Variants in TAOK3 observed in about 807,000 individuals in gnomAD.
TAOK3 encodes TAO kinase 3.
Under a neutral mutation model 120.4 loss-of-function variants are expected in TAOK3, and 40 were observed. That is an observed-to-expected ratio of 0.33 (90% CI 0.26 to 0.43). The LOEUF is 0.43. Among genes scored for constraint, TAOK3 ranks in the 20% least tolerant of loss-of-function variants. The pLI is 1.00. For synonymous variants in TAOK3, 355 were observed against 387.5 expected (o/e 0.92, Z 0.99); for missense variants, 821 against 1,112.1 (o/e 0.74, Z 3.72).
chr12:118,207,723 C>T (rs543486830), intron 11 of TAOK3, among the ~76,000 whole-genome samples: 9 of 152,168 alleles, frequency 5.9e-5, no homozygotes, highest in South Asian at 2.1e-4. Flanking sequence ...GACATGGTGG[C>T]GTGTGCCTGT....
intron 4 of TAOK3, among the ~76,000 whole-genome samples, chr12:118,244,048 C>T (rs1406582983): frequency 1.3e-5 from 2 of 152,154 alleles, no homozygotes; most frequent in African/African-American, 4.8e-5. Flanking sequence ...TACAAAAAAG[C>T]CATTACACAT....
intron 1 of TAOK3, among the ~76,000 whole-genome samples, chr12:118,344,649 GA>G (rs2044775677): frequency 1.3e-5 from 2 of 151,876 alleles, no homozygotes; most frequent in African/African-American, 2.4e-5. Context: ...TATTTGAAAC[GA>G]ATGGGAAAAA....
chr12:118,216,097 T>C (rs1247170299), intron 9 of TAOK3, among the ~76,000 whole-genome samples: 2 of 151,950 alleles, frequency 1.3e-5, no homozygotes, highest in African/African-American at 4.8e-5. Context: ...ACTTGGGAGG[T>C]TGAGGCAGAA....
At position 118,152,162 on chromosome 12, in the gene TAOK3, G is replaced by T. The variant is rs2034493695; in HGVS notation, c.2535+65C>A. On this transcript the variant is annotated intron_variant, in intron 20 of 20. Coordinates refer to ENST00000392533, the MANE Select transcript of TAOK3 (RefSeq NM_016281.4). ...TCTAACTAAGGAAGGCTGCATATAT[G>T]GCAGTTCCCTCAGCCACGCCCCCTT... The T allele has an allele frequency of 4.7e-6, 7 of 1,474,258 alleles. No homozygotes were observed. The South Asian group carries it at 8.5e-5, about 18-fold the overall frequency. 91.3% of individuals were successfully genotyped at this position (1,474,258 alleles called of 1,614,324 possible). A position where few individuals can be genotyped will look rare whatever the true frequency, so the allele number is the denominator to read the frequency against.
Position 118,227,979 on chromosome 12 carries a change from C to G in TAOK3, c.643+5695G>C, listed in dbSNP as rs978301746. Among the ~76,000 whole-genome samples, 4 of 152,058 alleles carry G rather than the reference C, an allele frequency of 2.6e-5. No homozygotes were observed. In the South Asian group the frequency reaches 8.3e-4, roughly 31 times the overall value. On this transcript the variant is annotated intron_variant, in intron 9 of 20. Coordinates refer to ENST00000392533, the MANE Select transcript of TAOK3 (RefSeq NM_016281.4). ...TGTAAAATTTTGTAGAATATTATAACAGACACCTATCACTTAGATTTATTA... is the reference window on the plus strand; with the variant it reads ...TGTAAAATTTTGTAGAATATTATAAGAGACACCTATCACTTAGATTTATTA...
intron 1 of TAOK3, among the ~76,000 whole-genome samples, chr12:118,368,452 C>A (rs1369429694): frequency 5.3e-5 from 8 of 151,582 alleles, no homozygotes; most frequent in Non-Finnish European, 8.8e-5. Flanking sequence ...CCCGCCTTGG[C>A]CTTCCAAAGT....
At position 118,238,107 on chromosome 12, in the gene TAOK3, G is replaced by C. The variant is rs1395456910; in HGVS notation, c.403C>G (p.Leu135Val). The C allele has an allele frequency of 6.2e-7, 1 of 1,611,444 alleles. No homozygotes were observed. Among genetic ancestry groups the C allele is most frequent in the Non-Finnish European group, 8.5e-7 (1 of 1,178,260 alleles). The stretch of plus-strand genomic sequence containing the variant: ...AATGCATGAGAATGTAGGTAGGCTA[G>C]TCCATGCAAGGCTCCATGAGTAATG... ...AAITHGALHGLAYLHSHALIH... is the reference protein window; with the variant it reads ...AAITHGALHGVAYLHSHALIH... The change falls in exon 7 of 21, where the codon CTA becomes GTA. Residue 135 changes from leucine (L) to valine (V), a missense_variant. Coordinates refer to ENST00000392533, the MANE Select transcript of TAOK3 (RefSeq NM_016281.4).
chr12:118,221,697 C>T (rs1319998108), intron 9 of TAOK3, among the ~76,000 whole-genome samples: 2 of 145,196 alleles, frequency 1.4e-5, no homozygotes, highest in Admixed American at 7.1e-5. Context: ...TGCAGTGGCG[C>T]GATCTCAGCT....
At chr12:118,204,255 G>GAA (rs71069431) in intron 11 of TAOK3, among the ~76,000 whole-genome samples, 16 of 111,670 alleles carry the variant, frequency 1.4e-4, no homozygotes, top group Admixed American at 2.9e-4. Context: ...TGACAGAATG[G>GAA]AAAAAAAAAA....
At chr12:118,333,596 T>G (rs772889693) in intron 1 of TAOK3, among the ~76,000 whole-genome samples, 1 of 151,070 alleles carries the variant, frequency 6.6e-6, no homozygotes, top group Non-Finnish European at 1.5e-5. Context: ...AAGAGCAACA[T>G]AACCCAAAGT....
chr12:118,280,505 A>T (rs773089025), intron 1 of TAOK3, among the ~76,000 whole-genome samples: 12 of 152,142 alleles, frequency 7.9e-5, no homozygotes, highest in Non-Finnish European at 1.5e-4. Context: ...AGATGGTTGT[A>T]GGTGTGCGGC....
chr12:118,294,108 T>C (rs2042586421), intron 1 of TAOK3, among the ~76,000 whole-genome samples: 1 of 152,180 alleles, frequency 6.6e-6, no homozygotes, highest in Admixed American at 6.5e-5. Context: ...TTTATATATG[T>C]ATATTTATAT....
chr12:118,229,689 T>C (rs1200116504), intron 9 of TAOK3, among the ~76,000 whole-genome samples: 1 of 152,118 alleles, frequency 6.6e-6, no homozygotes, highest in Non-Finnish European at 1.5e-5. Flanking sequence ...CCCAGCACTT[T>C]GGAAGGCTGA....
chr12:118,170,475 T>C (rs7136216), intron 17 of TAOK3, among the ~76,000 whole-genome samples: 28,858 of 152,074 alleles, frequency 0.19, 2,890 homozygotes, highest in African/African-American at 0.25. Flanking sequence ...CAAAAATGTT[T>C]AGCAGGCTGG....
intron 1 of TAOK3, among the ~76,000 whole-genome samples, chr12:118,348,219 C>T (rs1044584446): frequency 6.6e-6 from 1 of 152,172 alleles, no homozygotes; most frequent in Non-Finnish European, 1.5e-5. Context: ...ATAGAAAGTA[C>T]CTGACAGCTT....
intron 1 of TAOK3, among the ~76,000 whole-genome samples, chr12:118,344,922 T>C (rs1396528921): frequency 1.3e-5 from 2 of 152,194 alleles, no homozygotes; most frequent in African/African-American, 4.8e-5. Context: ...GTTAACTTCC[T>C]CTTGTTAATA....
intron 1 of TAOK3, among the ~76,000 whole-genome samples, chr12:118,352,521 TATATATACAC>T (rs2045218492): frequency 6.6e-6 from 1 of 151,378 alleles, no homozygotes; most frequent in Admixed American, 6.6e-5. Context: ...AAAAAAATCA[TATATATACAC>T]ATATATATAC....
At chr12:118,209,317 A>G (rs1206505986) in intron 11 of TAOK3, among the ~76,000 whole-genome samples, 1 of 152,266 alleles carries the variant, frequency 6.6e-6, no homozygotes, top group African/African-American at 2.4e-5. Flanking sequence ...TGCATAAAAT[A>G]TCACTAGAAG....
At chr12:118,230,506 C>T (rs113077254) in intron 9 of TAOK3, among the ~76,000 whole-genome samples, 1 of 106,930 alleles carries the variant, frequency 9.4e-6, no homozygotes, top group Admixed American at 1.5e-4. Context: ...GAGTCTTGCT[C>T]TGTCACCCAG....
Sources: allele counts gnomAD v4.1 joint callset (sites outside exome capture counted in the v4.1 genomes callset), GRCh38; gene constraint gnomAD v4.1.1; transcripts MANE v1.5; gene names NCBI Gene and HGNC (gene_info 2026-07-23, HGNC 2026-07-21).